EPHB1: variants seen among roughly 807,000 people sequenced by gnomAD.
EPHB1 encodes the protein ephrin type-B receptor 1.
Under a neutral mutation model 94.4 loss-of-function variants are expected in EPHB1, and 30 were observed. The observed-to-expected ratio is 0.32, with a 90% CI of 0.24 to 0.43. EPHB1 has a LOEUF of 0.43. Among genes scored for constraint, EPHB1 ranks in the 20% least tolerant of loss-of-function variants. The pLI is 1.00. For synonymous variants in EPHB1, 522 were observed against 489.1 expected (o/e 1.07, Z -0.89); for missense variants, 1,055 against 1,308.3 (o/e 0.81, Z 2.99).
At chr3:135,114,810 T>C (rs151307709) in intron 4 of EPHB1, among the ~76,000 whole-genome samples, 63 of 152,110 alleles carry the variant, frequency 4.1e-4, no homozygotes, top group South Asian at 1.0e-3. Flanking sequence ...AAAAGTAAGC[T>C]ATTTGATTTT....
At chr3:135,005,253 C>A (rs1222849844) in intron 3 of EPHB1, among the ~76,000 whole-genome samples, 3 of 152,192 alleles carry the variant, frequency 2.0e-5, no homozygotes, top group East Asian at 3.9e-4. Flanking sequence ...TGGGGGGTGC[C>A]TCCCAGTTAG....
At chr3:135,207,675 A>T (rs1013716798) in intron 12 of EPHB1, among the ~76,000 whole-genome samples, 1 of 152,236 alleles carries the variant, frequency 6.6e-6, no homozygotes, top group Non-Finnish European at 1.5e-5. Context: ...CTTAAAGAAC[A>T]GTCACTGTTT....
intron 15 of EPHB1, among the ~76,000 whole-genome samples, chr3:135,258,397 A>G (rs1365053985): frequency 1.3e-5 from 2 of 152,242 alleles, no homozygotes; most frequent in Non-Finnish European, 2.9e-5. Flanking sequence ...GGTCTAGCAC[A>G]GGTCAACTAT....
intron 1 of EPHB1, among the ~76,000 whole-genome samples, chr3:134,848,274 G>A (rs1463139602): frequency 2.0e-5 from 3 of 152,160 alleles, no homozygotes; most frequent in Non-Finnish European, 4.4e-5. Context: ...GTTCTGGGAC[G>A]TCTTCCTGGT....
intron 11 of EPHB1, among the ~76,000 whole-genome samples, chr3:135,199,899 A>G (rs1053718777): frequency 5.9e-5 from 9 of 152,204 alleles, no homozygotes; most frequent in Non-Finnish European, 1.2e-4. Context: ...ATGTGAGTGC[A>G]TTGTGTAACA....
chr3:135,152,251 T>C (rs920847260), intron 5 of EPHB1, among the ~76,000 whole-genome samples: 2 of 152,196 alleles, frequency 1.3e-5, no homozygotes, highest in African/African-American at 4.8e-5. Context: ...CATCCTTTCT[T>C]ACTTCAGTTG....
At chr3:134,885,122 T>C (rs1203404157) in intron 1 of EPHB1, among the ~76,000 whole-genome samples, 1 of 152,204 alleles carries the variant, frequency 6.6e-6, no homozygotes, top group Non-Finnish European at 1.5e-5. Context: ...CAGATATTTT[T>C]AAAAGGTCCA....
intron 3 of EPHB1, among the ~76,000 whole-genome samples, chr3:135,039,681 C>A (rs759972452): frequency 6.6e-6 from 1 of 152,232 alleles, no homozygotes; most frequent in East Asian, 1.9e-4. Flanking sequence ...GCTGCTAAGT[C>A]CCCCCTTGCT....
intron 3 of EPHB1, among the ~76,000 whole-genome samples, chr3:135,052,958 T>TG (rs1937222827): frequency 7.8e-6 from 1 of 128,070 alleles, no homozygotes; most frequent in Non-Finnish European, 1.6e-5. Flanking sequence ...TATATATATG[T>TG]GTGTATATAT....
At chr3:135,213,239 T>C (rs56046492) in intron 12 of EPHB1, among the ~76,000 whole-genome samples, 19,669 of 152,188 alleles carry the variant, frequency 0.13, 1,597 homozygotes, top group Middle Eastern at 0.23. Context: ...AATGAACAGA[T>C]CGAATTTTCT....
intron 3 of EPHB1, among the ~76,000 whole-genome samples, chr3:135,054,038 T>TATAA (rs1937275374): frequency 9.3e-6 from 1 of 107,502 alleles, no homozygotes; most frequent in Admixed American, 9.8e-5. Context: ...TATATATATA[T>TATAA]ATACACACAC....
At chr3:135,093,543 C>T (rs1938635750) in intron 3 of EPHB1, among the ~76,000 whole-genome samples, 1 of 152,052 alleles carries the variant, frequency 6.6e-6, no homozygotes, top group African/African-American at 2.4e-5. Context: ...CATGATGAAA[C>T]CCTGTCTCTA....
intron 1 of EPHB1, chr3:134,852,440 C>T (rs2037008499): frequency 6.6e-6 from 1 of 152,146 alleles, no homozygotes; most frequent in Admixed American, 6.5e-5. Context: ...CCCATATCGC[C>T]TTTGAGCACC....
intron 1 of EPHB1, among the ~76,000 whole-genome samples, chr3:134,889,942 C>G (rs2037943006): frequency 6.6e-6 from 1 of 152,096 alleles, no homozygotes. Context: ...CCTCCCAAAA[C>G]TTATTTATTT....
At chr3:134,835,961 C>A (rs2036668465) in intron 1 of EPHB1, among the ~76,000 whole-genome samples, 1 of 152,220 alleles carries the variant, frequency 6.6e-6, no homozygotes, top group Admixed American at 6.5e-5. Flanking sequence ...GGCACACTAC[C>A]AAGAGTCAGC....
chr3:135,238,330 A>G lies in EPHB1; in HGVS notation c.2347-2818A>G, dbSNP rs546845781. ...GTCCAGGGGCTCTTCTCAAAGGCTC[A>G]GCCACCTGCTGGGATGGAGGGGGGC... On this transcript the variant is annotated intron_variant, in intron 12 of 15. Transcript: ENST00000398015. Among the ~76,000 whole-genome samples the G allele has an allele frequency of 2.0e-3, 300 of 152,332 alleles. 1 individual carries two copies. Among genetic ancestry groups the G allele is most frequent in the Non-Finnish European group, 3.0e-3 (202 of 68,022 alleles).
intron 1 of EPHB1, among the ~76,000 whole-genome samples, chr3:134,913,267 G>A (rs116188141): frequency 0.019 from 2,918 of 152,270 alleles, 102 homozygotes; most frequent in African/African-American, 0.066. Context: ...GCATGGGAGG[G>A]GTGAGGGGGG....
intron 1 of EPHB1, among the ~76,000 whole-genome samples, chr3:134,804,583 G>A (rs778853980): frequency 5.1e-4 from 77 of 152,176 alleles, no homozygotes; most frequent in Non-Finnish European, 9.4e-4. Flanking sequence ...AGGGCACAGC[G>A]CAGGTCTTCT....
At chr3:135,053,949 T>C (rs578222780) in intron 3 of EPHB1, among the ~76,000 whole-genome samples, 104 of 151,988 alleles carry the variant, frequency 6.8e-4, no homozygotes, top group Middle Eastern at 3.4e-3. Flanking sequence ...CTATGATTGC[T>C]TCACTGCACT....
Sources: gnomAD v4.1 joint callset for allele counts (sites outside exome capture counted in the v4.1 genomes callset) on GRCh38, gnomAD v4.1.1 for gene constraint, MANE v1.5 for transcripts, NCBI Gene and HGNC (gene_info 2026-07-23, HGNC 2026-07-21) for gene names.